SLC44A1: variants seen among roughly 807,000 people sequenced by gnomAD.
SLC44A1 encodes the protein solute carrier family 44 member 1.
Under a neutral mutation model 79.3 loss-of-function variants are expected in SLC44A1, and 26 were observed. The ratio of observed to expected loss-of-function variants is 0.33; its 90% confidence interval spans 0.24 to 0.46. The LOEUF (loss-of-function observed/expected upper bound fraction) is 0.46, where lower values mean the gene tolerates loss of function less well. Ranked by LOEUF, SLC44A1 falls within the 20% of genes least tolerant of loss-of-function variation. SLC44A1 has a pLI of 1.00. For missense variants in SLC44A1, 688 were observed against 798.1 expected (o/e 0.86, Z 1.66); for synonymous variants, 263 against 286.2 (o/e 0.92, Z 0.82).
chr9:105,338,407 G>T (rs906333116), intron 4 of SLC44A1, among the ~76,000 whole-genome samples: 2 of 151,846 alleles, frequency 1.3e-5, no homozygotes, highest in South Asian at 2.1e-4. Flanking sequence ...AAGTTATCTG[G>T]TTTTTTTCTT....
chr9:105,408,958 A>G (rs1426636316), intron 15 of SLC44A1, among the ~76,000 whole-genome samples: 2 of 152,216 alleles, frequency 1.3e-5, no homozygotes, highest in Non-Finnish European at 2.9e-5. Context: ...TAACAAAATA[A>G]CTAAAAATAT....
In SLC44A1 at chr9:105,437,546, G is replaced by T. The variant is rs572273666; in HGVS notation, c.1951-735G>T. Among the ~76,000 whole-genome samples the T allele has an allele frequency of 3.5e-3, 539 of 151,980 alleles. 3 individuals are homozygous for T. Among genetic ancestry groups the T allele is most frequent in the African/African-American group, 0.012 (517 of 41,450 alleles). On this transcript the variant is annotated intron_variant, in intron 15 of 15. Transcript: ENST00000374724. ...TACCTAATACTTTTGGATCACTTGA[G>T]AATAATGTATATACGTCATTGCCCT...
At chr9:105,326,478 A>C (rs545158489) in intron 3 of SLC44A1, among the ~76,000 whole-genome samples, 2 of 152,320 alleles carry the variant, frequency 1.3e-5, no homozygotes, top group African/African-American at 4.8e-5. Context: ...TCCATGGTAC[A>C]TGGATAAGCA....
chr9:105,259,788 C>T (rs923094126), intron 1 of SLC44A1, among the ~76,000 whole-genome samples: 1 of 152,178 alleles, frequency 6.6e-6, no homozygotes, highest in Admixed American at 6.5e-5. Context: ...AAGCAGATTT[C>T]AGTTATGAAA....
At chr9:105,382,292 A>G (rs2131463595) in intron 13 of SLC44A1, among the ~76,000 whole-genome samples, 1 of 152,334 alleles carries the variant, frequency 6.6e-6, no homozygotes, top group South Asian at 2.1e-4. Context: ...CTGGAATAAA[A>G]TGTATTTTAA....
intron 1 of SLC44A1, among the ~76,000 whole-genome samples, chr9:105,257,363 C>G (rs1012875040): frequency 6.6e-6 from 1 of 150,904 alleles, no homozygotes; most frequent in Non-Finnish European, 1.5e-5. Flanking sequence ...CCCAAAGTGC[C>G]GAGATTACAG....
rs1324185398 is a variant in SLC44A1, at chr9:105,394,966, T to C, written c.*5910T>C. 14 of 985,218 alleles carry C rather than the reference T, an allele frequency of 1.4e-5. No homozygotes were observed. The highest frequency in any genetic ancestry group is 1.7e-5 in the Non-Finnish European group (14 of 829,872). The allele number at this position is 985,218 out of a possible 1,614,324, so 61.0% of individuals were successfully genotyped here. ...GGATTTCTTCACATCTGCACCTTAC[T>C]ATTAGGTAAGGGTGCTGCATCTACA... On this transcript the variant is annotated 3_prime_UTR_variant, in exon 16 of 16. Coordinates refer to ENST00000374720, the MANE Select transcript of SLC44A1 (RefSeq NM_080546.5).
At chr9:105,419,448 G>C (rs1230847774) in intron 15 of SLC44A1, among the ~76,000 whole-genome samples, 1 of 152,160 alleles carries the variant, frequency 6.6e-6, no homozygotes, top group Non-Finnish European at 1.5e-5. Flanking sequence ...CCAGTCTTTG[G>C]AAAGACCATA....
At chr9:105,401,888 G>C (rs1398027993), downstream of SLC44A1, among the ~76,000 whole-genome samples, 1 of 152,186 alleles carries the variant, frequency 6.6e-6, no homozygotes, top group East Asian at 1.9e-4. Context: ...GGGACGCAGA[G>C]AGCAGTGATA....
chr9:105,418,314 C>CAAAAAAAA (rs10617928), intron 15 of SLC44A1, among the ~76,000 whole-genome samples: 33 of 57,540 alleles, frequency 5.7e-4, no homozygotes, highest in East Asian at 1.3e-3. Context: ...AACTCCGTCT[C>CAAAAAAAA]AAAAAAAAAA....
Position 105,244,865 on chromosome 9 carries a change from C to G in SLC44A1, c.-4C>G. 3 of 1,151,202 alleles carry G rather than the reference C, an allele frequency of 2.6e-6. No homozygotes were observed. Among genetic ancestry groups the G allele is most frequent in the Non-Finnish European group, 3.2e-6 (3 of 937,616 alleles). The allele number at this position is 1,151,202 out of a possible 1,614,324, so 71.3% of individuals were successfully genotyped here. A position where few individuals can be genotyped will look rare whatever the true frequency, so the allele number is the denominator to read the frequency against. On this transcript the variant is annotated 5_prime_UTR_variant, in exon 1 of 16. Transcript: ENST00000374720. ...CGCCGCCTCCGGGCTCCTTCGGCCCCGCCATGGGCTGCTGCAGCTCCGCCT... is the reference window on the plus strand; with the variant it reads ...CGCCGCCTCCGGGCTCCTTCGGCCCGGCCATGGGCTGCTGCAGCTCCGCCT...
intron 1 of SLC44A1, among the ~76,000 whole-genome samples, chr9:105,277,660 A>G (rs1404157232): frequency 1.3e-5 from 2 of 152,244 alleles, no homozygotes; most frequent in Non-Finnish European, 2.9e-5. Context: ...TCAGGCACTG[A>G]AAACAATAGG....
chr9:105,334,686 C>A (rs1484713480), intron 3 of SLC44A1, among the ~76,000 whole-genome samples: 2 of 152,174 alleles, frequency 1.3e-5, no homozygotes, highest in Non-Finnish European at 2.9e-5. Flanking sequence ...AATGTTTAGC[C>A]CTTACTTTCT....
chr9:105,293,888 G>A (rs1037195692), intron 1 of SLC44A1, among the ~76,000 whole-genome samples: 7 of 152,206 alleles, frequency 4.6e-5, no homozygotes, highest in Non-Finnish European at 1.0e-4. Context: ...CATGGTGAAT[G>A]TGGAGTCTAA....
chr9:105,372,890 C>T (rs551132139), intron 12 of SLC44A1, among the ~76,000 whole-genome samples: 134 of 147,418 alleles, frequency 9.1e-4, no homozygotes, highest in Non-Finnish European at 1.8e-3. Flanking sequence ...GCGGAGCTTG[C>T]AGTGAGCCGA....
At chr9:105,410,942 A>G (rs777999554) in intron 15 of SLC44A1, among the ~76,000 whole-genome samples, 51 of 152,370 alleles carry the variant, frequency 3.3e-4, no homozygotes, top group South Asian at 6.2e-4. Context: ...ACAAATGGCC[A>G]CATATTGTAT....
At chr9:105,385,109 A>G (rs1828589868) in intron 14 of SLC44A1, among the ~76,000 whole-genome samples, 1 of 152,244 alleles carries the variant, frequency 6.6e-6, no homozygotes, top group Non-Finnish European at 1.5e-5. Flanking sequence ...TGATATTCTG[A>G]GTATGAGAAA....
In SLC44A1 at chr9:105,375,687, A is replaced by G. The variant is rs73512087; in HGVS notation, c.1632+952A>G. Among the ~76,000 whole-genome samples the G allele has an allele frequency of 1.3e-3, 194 of 152,316 alleles. 1 individual carries two copies. The highest frequency in any genetic ancestry group is 0.01 in the Middle Eastern group (3 of 294). On this transcript the variant is annotated intron_variant, in intron 13 of 15. Transcript: ENST00000374720. ...CCCCTTCAAAATAGAGCTGTTAGAG[A>G]ACGAGACTTATACTTTCCTTAGAAG...
At chr9:105,333,809 C>CAA (rs113936952) in intron 3 of SLC44A1, among the ~76,000 whole-genome samples, 15 of 133,196 alleles carry the variant, frequency 1.1e-4, no homozygotes, top group African/African-American at 2.5e-4. Context: ...AACTCCATCT[C>CAA]AAAAAAAAAA....
Sources: allele counts gnomAD v4.1 joint callset (sites outside exome capture counted in the v4.1 genomes callset), GRCh38; gene constraint gnomAD v4.1.1; transcripts MANE v1.5; gene names NCBI Gene and HGNC (gene_info 2026-07-23, HGNC 2026-07-21).